Variants in PRKCE observed in about 807,000 individuals in gnomAD.
The protein encoded by PRKCE is protein kinase C epsilon, also known as protein kinase C epsilon type.
A neutral mutation model predicts 85.4 loss-of-function variants in PRKCE; 16 were observed. The observed-to-expected ratio is 0.19, with a 90% CI of 0.13 to 0.28. PRKCE has a LOEUF of 0.28. Among genes scored for constraint, PRKCE ranks in the 10% least tolerant of loss-of-function variants. The probability of loss-of-function intolerance (pLI) is 1.00; values close to 1 mark genes in which losing one functional copy is unlikely to be tolerated. For synonymous variants in PRKCE, 388 were observed against 371.5 expected (o/e 1.04, Z -0.51); for missense variants, 573 against 975.2 (o/e 0.59, Z 5.49).
chr2:45,654,965 C>A (rs1407962872), intron 1 of PRKCE, among the ~76,000 whole-genome samples: 1 of 152,198 alleles, frequency 6.6e-6, no homozygotes. Context: ...CCTTACCTGG[C>A]AGGAATGAAG....
chr2:46,026,521 C>G (rs755092501), intron 10 of PRKCE, among the ~76,000 whole-genome samples: 9 of 152,166 alleles, frequency 5.9e-5, no homozygotes, highest in Non-Finnish European at 1.0e-4. Context: ...AAAAGTGTCA[C>G]TCTGATGTAA....
chr2:45,850,634 C>T (rs1692170374), intron 2 of PRKCE, among the ~76,000 whole-genome samples: 1 of 152,088 alleles, frequency 6.6e-6, no homozygotes, highest in African/African-American at 2.4e-5. Flanking sequence ...ATTGATTTTC[C>T]TTATTACCTA....
At chr2:45,752,379 C>T (rs932793515) in intron 1 of PRKCE, among the ~76,000 whole-genome samples, 6 of 152,166 alleles carry the variant, frequency 3.9e-5, no homozygotes, top group African/African-American at 1.4e-4. Flanking sequence ...TCTGTACCCT[C>T]AACCCTGTGC....
intron 10 of PRKCE, among the ~76,000 whole-genome samples, chr2:46,029,565 C>T (rs566589284): frequency 3.7e-4 from 56 of 152,272 alleles, no homozygotes; most frequent in Non-Finnish European, 7.2e-4. Context: ...CCCTCAGTCC[C>T]AGGGTGAGTG....
intron 14 of PRKCE, among the ~76,000 whole-genome samples, chr2:46,179,968 T>A (rs1429299467): frequency 6.6e-6 from 1 of 152,240 alleles, no homozygotes; most frequent in Non-Finnish European, 1.5e-5. Context: ...GTGCATTTAT[T>A]AATTTTTTCT....
In PRKCE at chr2:46,164,622, G is replaced by T. The variant is rs140631365; in HGVS notation, c.2067+4870G>T. ...TGCCCTGCCTGTCTGATACAAGGAG[G>T]ACCTGGTTTTGTCAGGTGGTTGGTG... is the stretch of plus-strand genomic sequence containing the variant. On this transcript the variant is annotated intron_variant, in intron 14 of 14. Coordinates refer to ENST00000306156, the MANE Select transcript of PRKCE (RefSeq NM_005400.3). 4.2e-3 allele frequency: 640 copies of T among 152,680 alleles called. 27 individuals are homozygous for T. In the South Asian group the frequency reaches 0.1, roughly 24 times the overall value. 9.5% of individuals were successfully genotyped at this position (152,680 alleles called of 1,614,324 possible). A position where few individuals can be genotyped will look rare whatever the true frequency, so the allele number is the denominator to read the frequency against.
At chr2:46,050,959 T>C (rs1481686963) in intron 10 of PRKCE, among the ~76,000 whole-genome samples, 2 of 152,178 alleles carry the variant, frequency 1.3e-5, no homozygotes, top group African/African-American at 4.8e-5. Context: ...TCCCTTCCTT[T>C]CACTTCACCT....
At chr2:45,830,378 G>A (rs970108380) in intron 1 of PRKCE, among the ~76,000 whole-genome samples, 2 of 152,024 alleles carry the variant, frequency 1.3e-5, no homozygotes, top group Non-Finnish European at 2.9e-5. Flanking sequence ...AAATAGGAAG[G>A]CATTTCTGGA....
chr2:45,994,475 A>G (rs923115050), intron 6 of PRKCE, among the ~76,000 whole-genome samples: 2 of 152,064 alleles, frequency 1.3e-5, no homozygotes, highest in African/African-American at 4.8e-5. Context: ...CCTGGTAACC[A>G]CTAAACTTTT....
chr2:46,182,421 G>T (rs1315199005), intron 14 of PRKCE, among the ~76,000 whole-genome samples: 1 of 152,078 alleles, frequency 6.6e-6, no homozygotes, highest in African/African-American at 2.4e-5. Context: ...TGGAGAGGGA[G>T]AACAGATGGT....
rs556650770 is a variant in PRKCE, at chr2:46,159,459, C to A, written c.1921-147C>A. Reference sequence around the variant, plus strand: ...AATTCTATGTAAGAGTTAAAGAAAACCCAACAGATGTGGCCCTTGAAAGTG... The same window carrying A: ...AATTCTATGTAAGAGTTAAAGAAAAACCAACAGATGTGGCCCTTGAAAGTG... On this transcript the variant is annotated intron_variant, in intron 13 of 14. Coordinates refer to ENST00000306156, the MANE Select transcript of PRKCE (RefSeq NM_005400.3). The surrounding 1 kb of genome is among the most constrained non-coding windows in gnomAD (Gnocchi z 4.1). The A allele has an allele frequency of 4.0e-5, 30 of 747,068 alleles. No individual in the cohort carries two copies. The East Asian group carries it at 8.7e-4, about 22-fold the overall frequency. 46.3% of individuals were successfully genotyped at this position (747,068 alleles called of 1,614,324 possible).
At chr2:45,839,573 G>C (rs1036127073) in intron 1 of PRKCE, among the ~76,000 whole-genome samples, 7 of 152,230 alleles carry the variant, frequency 4.6e-5, no homozygotes, top group Admixed American at 2.6e-4. Flanking sequence ...GTCTGCTTTT[G>C]TGTCACGCCA....
At chr2:45,799,226 CT>C (rs1258306052) in intron 1 of PRKCE, among the ~76,000 whole-genome samples, 2 of 151,296 alleles carry the variant, frequency 1.3e-5, no homozygotes, top group Non-Finnish European at 2.9e-5. Context: ...ATTATTTATT[CT>C]TTTCAGCTCC....
intron 11 of PRKCE, among the ~76,000 whole-genome samples, chr2:46,134,316 A>G (rs1227544403): frequency 3.3e-5 from 5 of 152,158 alleles, no homozygotes; most frequent in Non-Finnish European, 5.9e-5. Flanking sequence ...GGAACAGGAG[A>G]CAGGGACCAT....
chr2:45,975,562 G>C (rs1047247343), intron 2 of PRKCE, among the ~76,000 whole-genome samples: 1 of 152,042 alleles, frequency 6.6e-6, no homozygotes, highest in Non-Finnish European at 1.5e-5. Flanking sequence ...CCTCCCAAAG[G>C]TCCCATCTCC....
intron 1 of PRKCE, among the ~76,000 whole-genome samples, chr2:45,723,902 C>T (rs1680836776): frequency 6.6e-6 from 1 of 152,176 alleles, no homozygotes; most frequent in South Asian, 2.1e-4. Flanking sequence ...TGCAACCAGC[C>T]CAATACATGT....
intron 1 of PRKCE, among the ~76,000 whole-genome samples, chr2:45,771,761 C>T (rs78697117): frequency 0.01 from 1,517 of 150,754 alleles, 27 homozygotes; most frequent in African/African-American, 0.034. Flanking sequence ...GGCTGGCTAA[C>T]ACCAGTGGCA....
At chr2:45,896,546 T>C (rs1017162400) in intron 2 of PRKCE, among the ~76,000 whole-genome samples, 1 of 152,242 alleles carries the variant, frequency 6.6e-6, no homozygotes, top group African/African-American at 2.4e-5. Context: ...GGTTTACATA[T>C]TCGAATCAAG....
Position 45,697,152 on chromosome 2 carries a change from A to G in PRKCE, c.348+44704A>G, listed in dbSNP as rs889273807. On this transcript the variant is annotated intron_variant, in intron 1 of 14. Transcript: ENST00000306156. This position sits in a 1 kb window ranked among gnomAD's most constrained non-coding sequence, Gnocchi z 4.2. ...ACTTAGGAACATGCCTCCAAATAAG[A>G]TGAAATGCTCTAGTGTAGCTGACAG... Among the ~76,000 whole-genome samples, 1 of 152,186 alleles carries G rather than the reference A, an allele frequency of 6.6e-6. No homozygotes were observed. Among genetic ancestry groups the G allele is most frequent in the African/African-American group, 2.4e-5 (1 of 41,442 alleles).
Sources: gnomAD v4.1 joint callset for allele counts (sites outside exome capture counted in the v4.1 genomes callset) on GRCh38, gnomAD v4.1.1 for gene constraint, Gnocchi (gnomAD v3.1) non-coding constraint, MANE v1.5 for transcripts, NCBI Gene and HGNC (gene_info 2026-07-23, HGNC 2026-07-21) for gene names.